The following CCSER1 variants were observed in gnomAD, a reference collection of about 807,000 sequenced individuals.
CCSER1 encodes the protein coiled-coil serine rich protein 1.
CCSER1 carries 41 observed loss-of-function variants against 82.0 expected under a neutral mutation model. The ratio of observed to expected loss-of-function variants is 0.50; its 90% CI spans 0.39 to 0.65. The LOEUF is 0.65. Ranked by LOEUF, CCSER1 falls within the 30% of genes least tolerant of loss-of-function variation. The pLI, the probability that CCSER1 is intolerant of heterozygous loss-of-function variation, is 0.00. For missense variants in CCSER1, 1,119 were observed against 1,064.2 expected, an observed-to-expected ratio of 1.05 and a Z score of -0.72; for synonymous variants, 414 against 383.9, an observed-to-expected ratio of 1.08 and a Z score of -0.92.
At chr4:91,438,519 C>T (rs1369157209) in intron 10 of CCSER1, among the ~76,000 whole-genome samples, 2 of 152,048 alleles carry the variant, frequency 1.3e-5, no homozygotes, top group African/African-American at 2.4e-5. Context: ...TAGATAAAAC[C>T]ACAAAGATGG....
intron 10 of CCSER1, among the ~76,000 whole-genome samples, chr4:91,270,484 A>G (rs1463791158): frequency 1.3e-5 from 2 of 151,648 alleles, no homozygotes; most frequent in African/African-American, 4.8e-5. Context: ...CCTTTCTTTC[A>G]TGGATTTCTG....
chr4:90,665,312 T>C (rs1475652474), intron 6 of CCSER1, among the ~76,000 whole-genome samples: 1 of 147,658 alleles, frequency 6.8e-6, no homozygotes, highest in Non-Finnish European at 1.5e-5. Context: ...CTGAAACATA[T>C]GCTGAGATTT....
chr4:91,243,922 C>T (rs937003010), intron 10 of CCSER1, among the ~76,000 whole-genome samples: 1 of 152,110 alleles, frequency 6.6e-6, no homozygotes, highest in African/African-American at 2.4e-5. Flanking sequence ...CCTTATGTAC[C>T]AGCTTGGCTA....
chr4:91,173,577 G>A (rs1337562496), intron 10 of CCSER1, among the ~76,000 whole-genome samples: 1 of 140,498 alleles, frequency 7.1e-6, no homozygotes, highest in South Asian at 2.4e-4. Context: ...CTGGGCGACA[G>A]AGTGAGACTC....
intron 7 of CCSER1, among the ~76,000 whole-genome samples, chr4:90,742,396 A>C (rs906941221): frequency 6.6e-6 from 1 of 152,196 alleles, no homozygotes; most frequent in Non-Finnish European, 1.5e-5. Context: ...TTTTACCTCC[A>C]ATGTGACAAT....
chr4:90,955,083 T>A (rs562593597), intron 9 of CCSER1, among the ~76,000 whole-genome samples: 1 of 152,338 alleles, frequency 6.6e-6, no homozygotes, highest in African/African-American at 2.4e-5. Context: ...TTAGCACTTG[T>A]TACCATCGAA....
chr4:91,369,772 G>T (rs2149322398), intron 10 of CCSER1, among the ~76,000 whole-genome samples: 1 of 137,676 alleles, frequency 7.3e-6, no homozygotes, highest in South Asian at 2.4e-4. Flanking sequence ...GTGTTCAAGT[G>T]ATTCTCCTGC....
At chr4:90,282,392 A>T (rs1026464469) in intron 1 of CCSER1, among the ~76,000 whole-genome samples, 2 of 151,532 alleles carry the variant, frequency 1.3e-5, no homozygotes, top group African/African-American at 4.8e-5. Flanking sequence ...TATAGAAAGT[A>T]TCTAATCCAT....
chr4:91,213,478 G>A (rs915018137), intron 10 of CCSER1, among the ~76,000 whole-genome samples: 2 of 152,060 alleles, frequency 1.3e-5, no homozygotes, highest in Non-Finnish European at 2.9e-5. Flanking sequence ...CATTCCAAAT[G>A]AACTCTTTGC....
intron 1 of CCSER1, among the ~76,000 whole-genome samples, chr4:90,150,109 T>G (rs899995702): frequency 2.0e-5 from 3 of 152,140 alleles, no homozygotes; most frequent in African/African-American, 7.2e-5. Context: ...TTGAATATAT[T>G]CGTGCAATGA....
At chr4:91,050,889 A>C (rs1418213446) in intron 9 of CCSER1, among the ~76,000 whole-genome samples, 1 of 152,184 alleles carries the variant, frequency 6.6e-6, no homozygotes, top group Non-Finnish European at 1.5e-5. Context: ...AAAACAGACA[A>C]GAAATTTGGA....
At chr4:91,250,091 G>A (rs2149144553) in intron 10 of CCSER1, among the ~76,000 whole-genome samples, 1 of 151,738 alleles carries the variant, frequency 6.6e-6, no homozygotes, top group East Asian at 1.9e-4. Context: ...GCTTAGAAAT[G>A]TCCTTCACCG....
intron 5 of CCSER1, among the ~76,000 whole-genome samples, chr4:90,477,985 T>A (rs1446416467): frequency 6.6e-6 from 1 of 152,068 alleles, no homozygotes; most frequent in Admixed American, 6.6e-5. Context: ...AAAAGAAAGA[T>A]CTGAAAACTT....
At chr4:90,509,682 A>C (rs1476118182) in intron 5 of CCSER1, among the ~76,000 whole-genome samples, 2 of 151,998 alleles carry the variant, frequency 1.3e-5, no homozygotes, top group East Asian at 3.9e-4. Flanking sequence ...TATCACAATT[A>C]TTTCCTGATT....
intron 1 of CCSER1, among the ~76,000 whole-genome samples, chr4:90,131,509 G>A (rs1411235639): frequency 3.3e-5 from 5 of 152,118 alleles, no homozygotes; most frequent in Non-Finnish European, 7.4e-5. Flanking sequence ...GTGATGATGT[G>A]TAAAAGAATA....
At chr4:90,800,508 A>G (rs17017586) in intron 7 of CCSER1, among the ~76,000 whole-genome samples, 29,244 of 152,076 alleles carry the variant, frequency 0.19, 3,040 homozygotes, top group East Asian at 0.3. Flanking sequence ...TTTCCTAGCT[A>G]TCTCCTCTGG....
intron 10 of CCSER1, among the ~76,000 whole-genome samples, chr4:91,141,764 C>A (rs111661328): frequency 1.3e-5 from 2 of 152,104 alleles, no homozygotes; most frequent in Non-Finnish European, 1.5e-5. Context: ...TAAGCATTCC[C>A]ATTTCTCTGC....
intron 6 of CCSER1, among the ~76,000 whole-genome samples, chr4:90,699,785 G>C (rs1057346727): frequency 1.3e-5 from 2 of 152,064 alleles, no homozygotes; most frequent in African/African-American, 2.4e-5. Flanking sequence ...GATGATGGTA[G>C]GATGTGGGAC....
chr4:90,776,504 A>C (rs944022525), intron 7 of CCSER1, among the ~76,000 whole-genome samples: 2 of 152,198 alleles, frequency 1.3e-5, no homozygotes, highest in African/African-American at 4.8e-5. Context: ...AATTAATGTC[A>C]CCTATTAAGG....
Sources: gnomAD v4.1 joint callset for allele counts (sites outside exome capture counted in the v4.1 genomes callset) on GRCh38, gnomAD v4.1.1 for gene constraint, MANE v1.5 for transcripts, NCBI Gene and HGNC (gene_info 2026-07-23, HGNC 2026-07-21) for gene names.